The following CD226 variants were observed in gnomAD, a reference collection of about 807,000 sequenced individuals.
CD226 encodes the protein CD226 antigen.
CD226 carries 24 observed loss-of-function variants against 34.9 expected under a neutral mutation model. That is an observed-to-expected ratio of 0.69 (90% CI 0.50 to 0.97). CD226 has a LOEUF of 0.97. CD226 is among the 50% of genes least tolerant of loss of function. The pLI is 0.00. For synonymous variants in CD226, 148 were observed against 147.4 expected, an observed-to-expected ratio of 1.00 and a Z score of -0.03; for missense variants, 397 against 412.7, an observed-to-expected ratio of 0.96 and a Z score of 0.33.
At chr18:69,949,097 G>C (rs1430724718), upstream of CD226, among the ~76,000 whole-genome samples, 1 of 152,134 alleles carries the variant, frequency 6.6e-6, no homozygotes, top group Non-Finnish European at 1.5e-5. Flanking sequence ...ATGAGACTGA[G>C]TCTGGACTGA....
chr18:69,874,957 C>T (rs1983770216), intron 3 of CD226, among the ~76,000 whole-genome samples: 1 of 152,096 alleles, frequency 6.6e-6, no homozygotes, highest in South Asian at 2.1e-4. Flanking sequence ...CTATGTACCA[C>T]ATTTTCTTTA....
intron 3 of CD226, among the ~76,000 whole-genome samples, chr18:69,892,816 ATC>A (rs149028680): frequency 0.037 from 5,620 of 152,200 alleles, 132 homozygotes; most frequent in Middle Eastern, 0.051. Flanking sequence ...AGTCCTAAAA[ATC>A]TCTCTTTTAG....
intron 4 of CD226, among the ~76,000 whole-genome samples, chr18:69,870,540 G>T (rs1250369374): frequency 1.3e-5 from 2 of 152,090 alleles, no homozygotes; most frequent in East Asian, 1.9e-4. Flanking sequence ...CTCCCAAAGT[G>T]CTGGGATTAC....
chr18:69,875,720 T>C (rs183215246), intron 3 of CD226, among the ~76,000 whole-genome samples: 3 of 152,226 alleles, frequency 2.0e-5, no homozygotes, highest in African/African-American at 7.2e-5. Flanking sequence ...GCCCACTTTT[T>C]AATTGGGTTG....
upstream of CD226, among the ~76,000 whole-genome samples, chr18:69,949,274 C>T (rs1440249230): frequency 1.3e-5 from 2 of 152,094 alleles, no homozygotes; most frequent in Admixed American, 6.5e-5. Context: ...ATGGAGCCGC[C>T]GAGGAGCTGA....
intron 2 of CD226, among the ~76,000 whole-genome samples, chr18:69,906,630 G>A (rs1009774409): frequency 1.3e-5 from 2 of 152,174 alleles, no homozygotes; most frequent in African/African-American, 2.4e-5. Context: ...AATATTTCAC[G>A]CTTTAACTGG....
At chr18:69,958,399 C>T (rs766719029), upstream of CD226, among the ~76,000 whole-genome samples, 7 of 152,152 alleles carry the variant, frequency 4.6e-5, no homozygotes, top group Non-Finnish European at 8.8e-5. Flanking sequence ...AATCTGCCAT[C>T]GTTGGGGCTG....
intron 2 of CD226, among the ~76,000 whole-genome samples, chr18:69,909,149 C>T (rs2055293027): frequency 6.6e-6 from 1 of 152,196 alleles, no homozygotes; most frequent in South Asian, 2.1e-4. Context: ...TCCTTAAAGA[C>T]ATTGTACCTT....
intron 2 of CD226, among the ~76,000 whole-genome samples, chr18:69,939,457 T>C (rs1206129494): frequency 6.6e-6 from 1 of 152,236 alleles, no homozygotes; most frequent in African/African-American, 2.4e-5. Flanking sequence ...TTTAGTGATG[T>C]AGAGTATCCT....
At chr18:69,871,853 A>G (rs1983542159) in intron 4 of CD226, among the ~76,000 whole-genome samples, 1 of 152,188 alleles carries the variant, frequency 6.6e-6, no homozygotes, top group African/African-American at 2.4e-5. Context: ...AGATAACCAA[A>G]GATATTGAAC....
chr18:69,903,968 G>A (rs2055219085), intron 2 of CD226, among the ~76,000 whole-genome samples: 9 of 152,138 alleles, frequency 5.9e-5, no homozygotes, highest in Admixed American at 5.9e-4. Flanking sequence ...ATCAGAAGCA[G>A]CAAGTCCATC....
At chr18:69,946,697 A>G in intron 2 of CD226, 37 bp downstream of exon 2, 1 of 1,363,710 alleles carries the variant, frequency 7.3e-7, no homozygotes, top group Non-Finnish European at 1.0e-6. Flanking sequence ...GTAAGTGGAT[A>G]AAAAGGGATT....
In CD226 at chr18:69,861,980, AGAG is replaced by A. The variant is rs1459560146; in HGVS notation, c.*2331_*2333del. The A allele has an allele frequency of 6.6e-6, 1 of 152,148 alleles. No homozygotes were observed. Among genetic ancestry groups the A allele is most frequent in the East Asian group, 1.9e-4 (1 of 5,202 alleles). 9.4% of individuals were successfully genotyped at this position (152,148 alleles called of 1,614,324 possible). ...TACACTCTGTAGAGGAAGAATATATAGAGAAGAAAGGACAGAGTAAATAGTTCT... is the reference window on the plus strand; with the variant it reads ...TACACTCTGTAGAGGAAGAATATATAAAGAAAGGACAGAGTAAATAGTTCT... On this transcript the variant is annotated 3_prime_UTR_variant, in exon 6 of 6. Coordinates refer to ENST00000582621, the MANE Select transcript of CD226 (RefSeq NM_001303618.2).
At chr18:69,957,482 G>T (rs200967250), upstream of CD226, among the ~76,000 whole-genome samples, 50 of 152,182 alleles carry the variant, frequency 3.3e-4, no homozygotes, top group East Asian at 8.3e-3. Context: ...CCAGGCCATG[G>T]CAACGTTAGT....
chr18:69,858,116 G>A lies in CD226; in HGVS notation c.*6198C>T, dbSNP rs998051702. On this transcript the variant is annotated 3_prime_UTR_variant, in exon 6 of 6. Transcript: ENST00000582621. ...ATAGTGTTACTAAAAATGAACTATCGGCCATTATTGCAAAACTGCCAACTG... is the reference window on the plus strand; with the variant it reads ...ATAGTGTTACTAAAAATGAACTATCAGCCATTATTGCAAAACTGCCAACTG... The A allele has an allele frequency of 6.6e-6, 1 of 151,992 alleles. No homozygotes were observed. The highest frequency in any genetic ancestry group is 1.5e-5 in the Non-Finnish European group (1 of 67,996). The allele number at this position is 151,992 out of a possible 1,614,324, so 9.4% of individuals were successfully genotyped here.
chr18:69,865,887 G>A (rs1056517825), intron 5 of CD226, among the ~76,000 whole-genome samples: 1 of 152,152 alleles, frequency 6.6e-6, no homozygotes, highest in African/African-American at 2.4e-5. Flanking sequence ...AGGAATTGGG[G>A]AATTTTTTGT....
chr18:69,950,359 T>A (rs1409625548), upstream of CD226, among the ~76,000 whole-genome samples: 9 of 152,134 alleles, frequency 5.9e-5, no homozygotes. Context: ...ACAGAAAAAC[T>A]TTTTCATGCC....
intron 2 of CD226, among the ~76,000 whole-genome samples, chr18:69,904,392 C>G (rs2055225935): frequency 6.6e-6 from 1 of 152,186 alleles, no homozygotes; most frequent in African/African-American, 2.4e-5. Context: ...TTCAGATTAC[C>G]CAGGAGTCAA....
chr18:69,914,512 T>C (rs2145294297), intron 2 of CD226, among the ~76,000 whole-genome samples: 1 of 152,344 alleles, frequency 6.6e-6, no homozygotes, highest in African/African-American at 2.4e-5. Flanking sequence ...TCCGTATTTG[T>C]GCCAAGTCCT....
Sources: gnomAD v4.1 joint callset for allele counts (sites outside exome capture counted in the v4.1 genomes callset) on GRCh38, gnomAD v4.1.1 for gene constraint, MANE v1.5 for transcripts, NCBI Gene and HGNC (gene_info 2026-07-23, HGNC 2026-07-21) for gene names.